The following NFIB variants were observed in gnomAD, a reference collection of about 807,000 sequenced individuals.
NFIB encodes the protein nuclear factor I B.
NFIB carries 11 observed loss-of-function variants against 61.5 expected under a neutral mutation model. The observed-to-expected ratio is 0.18, with a 90% CI of 0.11 to 0.30. The LOEUF (loss-of-function observed/expected upper bound fraction) is 0.30. Among genes scored for constraint, NFIB ranks in the 10% least tolerant of loss-of-function variants. The pLI is 1.00. For missense variants in NFIB, 471 were observed against 608.9 expected (o/e 0.77, Z 2.38); for synonymous variants, 260 against 216.5 (o/e 1.20, Z -1.76).
chr9:14,192,471 G>C (rs117138130), intron 2 of NFIB, among the ~76,000 whole-genome samples: 11 of 152,196 alleles, frequency 7.2e-5, no homozygotes, highest in Non-Finnish European at 1.2e-4. Context: ...CTTGTCCTCA[G>C]ATCCATCCTG....
At chr9:14,222,205 G>C (rs1227245609) in intron 2 of NFIB, among the ~76,000 whole-genome samples, 2 of 152,094 alleles carry the variant, frequency 1.3e-5, no homozygotes, top group African/African-American at 4.8e-5. Flanking sequence ...CAAGAACACA[G>C]CTTGGAACAT....
chr9:14,460,673 T>G, the NFIB span, among the ~76,000 whole-genome samples: 2 of 152,198 alleles, frequency 1.3e-5, no homozygotes, highest in African/African-American at 4.8e-5. Flanking sequence ...AATAATGAAA[T>G]TTTAAATAAA....
At chr9:14,396,487 A>C (rs998320514) in intron 1 of NFIB, among the ~76,000 whole-genome samples, 1 of 151,942 alleles carries the variant, frequency 6.6e-6, no homozygotes, top group East Asian at 1.9e-4. Flanking sequence ...TCAGGTGGGG[A>C]GCCTCTTTAC....
exon 1 of NFIB, chr9:14,398,811 GT>G: frequency 2.0e-6 from 1 of 512,634 alleles, no homozygotes. Flanking sequence ...AGAGCAAGCT[GT>G]TAAAAACAAA....
chr9:14,164,495 A>C (rs1419928307), intron 3 of NFIB, among the ~76,000 whole-genome samples: 3 of 152,176 alleles, frequency 2.0e-5, no homozygotes, highest in Admixed American at 6.5e-5. Flanking sequence ...AGGTACCATA[A>C]AAATATTATA....
the NFIB span, among the ~76,000 whole-genome samples, chr9:14,410,217 TC>T: frequency 6.6e-6 from 1 of 151,960 alleles, no homozygotes; most frequent in Non-Finnish European, 1.5e-5. Flanking sequence ...AAAAAACTTT[TC>T]CAAAAAAAAT....
In NFIB at chr9:14,294,051, T is replaced by C. The variant is rs983775931; in HGVS notation, c.562+12938A>G. On this transcript the variant is annotated intron_variant, in intron 2 of 10. Coordinates refer to ENST00000380953, the MANE Select transcript of NFIB (RefSeq NM_001190737.2). ...TATGTTTCTCCATGCACATGTTTTA[T>C]ATTATACGAATGTTGGACACGAAAA... is the stretch of plus-strand genomic sequence containing the variant. Among the ~76,000 whole-genome samples the C allele has an allele frequency of 3.3e-5, 5 of 152,244 alleles. No homozygotes were observed. The South Asian group carries it at 8.3e-4, about 25-fold the overall frequency.
intron 2 of NFIB, among the ~76,000 whole-genome samples, chr9:14,246,850 T>G (rs1380169030): frequency 6.6e-6 from 1 of 152,204 alleles, no homozygotes; most frequent in East Asian, 1.9e-4. Flanking sequence ...CCAGTGTAAC[T>G]GCATTTGGAG....
chr9:14,287,239 G>A (rs1298208895), intron 2 of NFIB, among the ~76,000 whole-genome samples: 3 of 151,362 alleles, frequency 2.0e-5, no homozygotes, highest in South Asian at 4.2e-4. Flanking sequence ...AGACCATCCT[G>A]GCTAACACGG....
the NFIB span, among the ~76,000 whole-genome samples, chr9:14,504,588 C>A: frequency 6.6e-6 from 1 of 151,972 alleles, no homozygotes; most frequent in African/African-American, 2.4e-5. Flanking sequence ...TATTTTTTTG[C>A]AGCTATTATT....
At chr9:14,483,273 T>C in the NFIB span, among the ~76,000 whole-genome samples, 4 of 152,216 alleles carry the variant, frequency 2.6e-5, no homozygotes, top group Non-Finnish European at 5.9e-5. Flanking sequence ...GATGTGAAAA[T>C]GATTACATTC....
intron 1 of NFIB, among the ~76,000 whole-genome samples, chr9:14,347,573 G>T (rs1394482809): frequency 8.0e-6 from 1 of 124,554 alleles, no homozygotes; most frequent in Admixed American, 7.9e-5. Context: ...GAGTGAGCTG[G>T]GTGCGATTGG....
At chr9:14,392,535 C>T (rs980113641) in intron 1 of NFIB, among the ~76,000 whole-genome samples, 3 of 152,096 alleles carry the variant, frequency 2.0e-5, no homozygotes, top group East Asian at 1.9e-4. Context: ...TGAGACCGAC[C>T]TGGGCAACAT....
At chr9:14,206,164 TAA>T in intron 2 of NFIB, among the ~76,000 whole-genome samples, 1 of 148,568 alleles carries the variant, frequency 6.7e-6, no homozygotes, top group Non-Finnish European at 1.5e-5. Flanking sequence ...AGTAACTTAC[TAA>T]CTCTCTCTCT....
the NFIB span, among the ~76,000 whole-genome samples, chr9:14,441,861 T>C: frequency 6.6e-6 from 1 of 152,290 alleles, no homozygotes; most frequent in East Asian, 1.9e-4. Flanking sequence ...ACAGTACACT[T>C]ACGAGAGGCA....
At chr9:14,504,125 T>G in the NFIB span, among the ~76,000 whole-genome samples, 2 of 152,238 alleles carry the variant, frequency 1.3e-5, no homozygotes, top group African/African-American at 4.8e-5. Flanking sequence ...ATCAGTTGGC[T>G]ATAAGTATTT....
intron 3 of NFIB, among the ~76,000 whole-genome samples, chr9:14,165,315 T>C (rs1041448492): frequency 5.3e-5 from 8 of 152,164 alleles, no homozygotes; most frequent in Non-Finnish European, 1.2e-4. Context: ...CCTAAATTTG[T>C]AGCCTCTCTC....
the NFIB span, among the ~76,000 whole-genome samples, chr9:14,463,191 G>T: frequency 6.6e-6 from 1 of 150,904 alleles, no homozygotes; most frequent in Non-Finnish European, 1.5e-5. Flanking sequence ...TTATTTAATT[G>T]AAATAAGCTT....
chr9:14,425,398 C>T, the NFIB span, among the ~76,000 whole-genome samples: 1 of 152,106 alleles, frequency 6.6e-6, no homozygotes, highest in African/African-American at 2.4e-5. Context: ...AACAGGGGCA[C>T]TGTGTGGTCT....
Sources: gnomAD v4.1 joint callset for allele counts (sites outside exome capture counted in the v4.1 genomes callset) on GRCh38, gnomAD v4.1.1 for gene constraint, MANE v1.5 for transcripts, NCBI Gene and HGNC (gene_info 2026-07-23, HGNC 2026-07-21) for gene names.